The following XRCC4 variants were observed in gnomAD, a reference collection of about 807,000 sequenced individuals.
The protein encoded by XRCC4 is X-ray repair cross complementing 4.
In XRCC4, 28 loss-of-function variants were observed where a neutral mutation model predicts 39.1. The ratio of observed to expected loss-of-function variants is 0.72; its 90% CI spans 0.53 to 0.98. XRCC4 has a LOEUF of 0.98. XRCC4 is among the 50% of genes least tolerant of loss of function. XRCC4 has a pLI of 0.00. For synonymous variants in XRCC4, 123 were observed against 126.4 expected (o/e 0.97, Z 0.18); for missense variants, 350 against 376.4 (o/e 0.93, Z 0.58).
chr5:83,368,298 G>T, the XRCC4 span, among the ~76,000 whole-genome samples: 1 of 152,126 alleles, frequency 6.6e-6, no homozygotes, highest in Non-Finnish European at 1.5e-5. Context: ...CATCCCAGGT[G>T]GTGCTGAGGA....
At chr5:83,119,149 G>A (rs924836693) in intron 3 of XRCC4, among the ~76,000 whole-genome samples, 1 of 152,070 alleles carries the variant, frequency 6.6e-6, no homozygotes, top group Non-Finnish European at 1.5e-5. Flanking sequence ...CTATATTATT[G>A]CCATGTGTCC....
intron 3 of XRCC4, among the ~76,000 whole-genome samples, chr5:83,127,025 G>A (rs1359592783): frequency 6.6e-6 from 1 of 152,100 alleles, no homozygotes; most frequent in African/African-American, 2.4e-5. Flanking sequence ...TGATTTTACA[G>A]GGAAATTTGC....
At chr5:83,135,352 A>G (rs1580272615) in intron 3 of XRCC4, among the ~76,000 whole-genome samples, 1 of 141,560 alleles carries the variant, frequency 7.1e-6, no homozygotes. Context: ...CATCTTGGAA[A>G]CTCCTCCTAC....
the XRCC4 span, among the ~76,000 whole-genome samples, chr5:83,371,930 G>A: frequency 6.6e-6 from 1 of 152,144 alleles, no homozygotes; most frequent in African/African-American, 2.4e-5. Flanking sequence ...AATGTGCTAG[G>A]ACAAGTAAGA....
intron 7 of XRCC4, among the ~76,000 whole-genome samples, chr5:83,283,444 A>C (rs1754621194): frequency 6.6e-6 from 1 of 152,146 alleles, no homozygotes; most frequent in Admixed American, 6.5e-5. Context: ...CCTTTGAGTG[A>C]AAACTATTAT....
At chr5:83,280,369 C>G in intron 7 of XRCC4, 1 of 519,768 alleles carries the variant, frequency 1.9e-6, no homozygotes, top group Non-Finnish European at 3.6e-6. Flanking sequence ...CTTCATGTTT[C>G]TTGAATGTCT....
chr5:83,165,946 C>T lies in XRCC4; in HGVS notation c.316-29824C>T, dbSNP rs184479966. On this transcript the variant is annotated intron_variant, in intron 3 of 7. Coordinates refer to ENST00000396027, the MANE Select transcript of XRCC4 (RefSeq NM_003401.5). ...TGTTTCCCAGGCTGGAGTGCAGTGA[C>T]GCAATCTTGGCTCACTGCAACCTCC... is the stretch of plus-strand genomic sequence containing the variant. 2.6e-3 allele frequency among the ~76,000 whole-genome samples: 375 copies of T among 146,814 alleles called. 3 individuals are homozygous for T. The highest frequency in any genetic ancestry group is 8.6e-3 in the African/African-American group (342 of 39,838).
chr5:83,248,138 G>A (rs927663361), intron 6 of XRCC4, among the ~76,000 whole-genome samples: 1 of 152,094 alleles, frequency 6.6e-6, no homozygotes, highest in Non-Finnish European at 1.5e-5. Context: ...ACTCTTTCTG[G>A]CATAAGATTG....
At chr5:83,117,645 G>A (rs1398963746) in intron 3 of XRCC4, among the ~76,000 whole-genome samples, 10 of 55,398 alleles carry the variant, frequency 1.8e-4, no homozygotes, top group Non-Finnish European at 2.6e-4. Flanking sequence ...GTGTGTGTGT[G>A]TGTGTGTGTG....
At chr5:83,133,987 C>T (rs77584280) in intron 3 of XRCC4, among the ~76,000 whole-genome samples, 9,633 of 152,228 alleles carry the variant, frequency 0.063, 1,009 homozygotes, top group East Asian at 0.48. Context: ...GTGCGTGGTG[C>T]TCGCGGGCTG....
chr5:83,214,712 T>G (rs906506443), intron 6 of XRCC4, among the ~76,000 whole-genome samples: 5 of 151,510 alleles, frequency 3.3e-5, no homozygotes, highest in Middle Eastern at 3.2e-3. Flanking sequence ...TGTGGGCGCC[T>G]GTAGTCCCAG....
intron 6 of XRCC4, among the ~76,000 whole-genome samples, chr5:83,215,925 CAAAAGCACAATACAT>C (rs1324852582): frequency 6.6e-6 from 1 of 151,936 alleles, no homozygotes; most frequent in Non-Finnish European, 1.5e-5. Context: ...ACTATAATAT[CAAAAGCACAATACAT>C]AAATGAAAAA....
chr5:83,121,899 T>A (rs1308662218), intron 3 of XRCC4, among the ~76,000 whole-genome samples: 1 of 116,116 alleles, frequency 8.6e-6, no homozygotes, highest in Non-Finnish European at 1.9e-5. Context: ...AGTTCATTTT[T>A]TATATGAATA....
intron 6 of XRCC4, among the ~76,000 whole-genome samples, chr5:83,251,436 A>G (rs1176452362): frequency 6.7e-6 from 1 of 148,736 alleles, no homozygotes; most frequent in East Asian, 2.2e-4. Context: ...AGGCAGGAGA[A>G]TGGCTTGAAC....
chr5:83,309,303 A>ATATATATATATATG (rs1554073615), intron 7 of XRCC4, among the ~76,000 whole-genome samples: 1 of 119,292 alleles, frequency 8.4e-6, no homozygotes, highest in African/African-American at 3.0e-5. Context: ...AAAAATATAT[A>ATATATATATATATG]TATATATATA....
intron 3 of XRCC4, among the ~76,000 whole-genome samples, chr5:83,157,014 GA>G (rs139521604): frequency 0.025 from 3,802 of 150,794 alleles, 64 homozygotes; most frequent in East Asian, 0.071. Flanking sequence ...TTCATTTTTA[GA>G]AAAAAAAATC....
chr5:83,190,574 T>C (rs77142398), intron 3 of XRCC4, among the ~76,000 whole-genome samples: 1 of 152,328 alleles, frequency 6.6e-6, no homozygotes, highest in African/African-American at 2.4e-5. Flanking sequence ...GTTTATGTAG[T>C]CTACTTTGAT....
At chr5:83,272,579 TC>T (rs1426072575) in intron 7 of XRCC4, among the ~76,000 whole-genome samples, 1 of 151,842 alleles carries the variant, frequency 6.6e-6, no homozygotes, top group African/African-American at 2.4e-5. Flanking sequence ...CCCTCTTCTT[TC>T]CCCCCACCCC....
At chr5:83,275,322 T>C (rs1580454139) in intron 7 of XRCC4, among the ~76,000 whole-genome samples, 1 of 143,716 alleles carries the variant, frequency 7.0e-6, no homozygotes, top group Non-Finnish European at 1.5e-5. Flanking sequence ...TGAGACGGAG[T>C]CTCGCTCTGT....
Sources: gnomAD v4.1 joint callset for allele counts (sites outside exome capture counted in the v4.1 genomes callset) on GRCh38, gnomAD v4.1.1 for gene constraint, MANE v1.5 for transcripts, NCBI Gene and HGNC (gene_info 2026-07-23, HGNC 2026-07-21) for gene names.